Variants in CCDC40 observed in about 807,000 individuals in gnomAD.
CCDC40 encodes coiled-coil domain 40 molecular ruler complex subunit, also known as coiled-coil domain-containing protein 40.
CCDC40 carries 104 observed loss-of-function variants against 124.5 expected under a neutral mutation model. The observed-to-expected ratio is 0.84, with a 90% CI of 0.71 to 0.98. The LOEUF (loss-of-function observed/expected upper bound fraction) is 0.98, where lower values mean the gene tolerates loss of function less well. Ranked by LOEUF, CCDC40 falls within the 50% of genes least tolerant of loss-of-function variation. CCDC40 has a pLI of 0.00. For synonymous variants in CCDC40, 580 were observed against 602.9 expected (o/e 0.96, Z 0.56); for missense variants, 1,463 against 1,503.9 (o/e 0.97, Z 0.45).
intron 7 of CCDC40, among the ~76,000 whole-genome samples, chr17:80,054,968 C>A (rs573650394): frequency 7.5e-6 from 1 of 133,112 alleles, no homozygotes; most frequent in African/African-American, 3.5e-5. Flanking sequence ...GAGTGAGACA[C>A]TGTCTCAAAA....
intron 3 of CCDC40, 147 bp downstream of exon 3, chr17:80,040,417 G>T: frequency 1.2e-6 from 1 of 829,356 alleles, no homozygotes; most frequent in Non-Finnish European, 1.9e-6. Flanking sequence ...GGTGGCTCAC[G>T]CCTGTAATCC....
chr17:80,058,848 T>C lies in CCDC40; in HGVS notation c.1318-10T>C. On this transcript the variant is annotated splice_polypyrimidine_tract_variant and intron_variant, in intron 8 of 19. Coordinates refer to ENST00000397545, the MANE Select transcript of CCDC40 (RefSeq NM_017950.4). The surrounding 1 kb of genome is among the most constrained non-coding windows in gnomAD (Gnocchi z 4.2). ...CTCCTGACGGGGCTGCTTCTCATCC[T>C]GTTTCCCAGGACCTGTATGTGGACC... The C allele has an allele frequency of 6.2e-7, 1 of 1,614,130 alleles. No homozygotes were observed. The highest frequency in any genetic ancestry group is 1.1e-5 in the South Asian group (1 of 91,082).
At position 80,066,226 on chromosome 17, in the gene CCDC40, T is replaced by A. The variant is rs1568692158; in HGVS notation, c.1562+620T>A. ...AACTTCCCCTCCACCTTTCGTAGTC[T>A]CCACCCCTTGTGCCCAGCACAGAGC... On this transcript the variant is annotated intron_variant, in intron 10 of 19. Coordinates refer to ENST00000397545, the MANE Select transcript of CCDC40 (RefSeq NM_017950.4). This position sits in a 1 kb window ranked among gnomAD's most constrained non-coding sequence, Gnocchi z 4.4. The A allele has an allele frequency of 1.4e-6, 1 of 702,438 alleles. No homozygotes were observed. Among genetic ancestry groups the A allele is most frequent in the Admixed American group, 2.0e-5 (1 of 49,952 alleles). 43.5% of individuals were successfully genotyped at this position (702,438 alleles called of 1,614,324 possible).
At chr17:80,053,661 C>T (rs1347088189) in intron 7 of CCDC40, among the ~76,000 whole-genome samples, 3 of 152,170 alleles carry the variant, frequency 2.0e-5, no homozygotes, top group African/African-American at 7.2e-5. Flanking sequence ...GGCGTGATCT[C>T]AGCTCACTGC....
intron 9 of CCDC40, among the ~76,000 whole-genome samples, chr17:80,063,500 C>T (rs1000107267): frequency 1.3e-5 from 2 of 152,150 alleles, no homozygotes; most frequent in African/African-American, 4.8e-5. Context: ...GGGGAGGCCT[C>T]GCACAGGCTC....
rs189341041 is a variant in CCDC40 at position 80,065,861 on chromosome 17, G to C, written c.1562+255G>C. Among the ~76,000 whole-genome samples, 489 of 152,372 alleles carry C rather than the reference G, an allele frequency of 3.2e-3. 1 individual carries two copies. The highest frequency in any genetic ancestry group is 4.5e-3 in the Non-Finnish European group (303 of 68,040). On this transcript the variant is annotated intron_variant, in intron 10 of 19. Transcript: ENST00000397545. The stretch of plus-strand genomic sequence containing the variant: ...TCAGATTTCCTGGCAGGATTAAGTA[G>C]AAACAGAGCAGGGTAAAGAGAAAGC...
At position 80,048,609 on chromosome 17, in the gene CCDC40, C is replaced by T. The variant is rs1210103322; in HGVS notation, c.703C>T (p.His235Tyr). ...PVIPPGVPDA[H>Y]PREGDLPVFQ... Reference sequence around the variant, plus strand: ...GATCCCCCCAGGGGTGCCCGATGCCCACCCCAGGGAAGGAGACCTGCCAGT... The same window carrying T: ...GATCCCCCCAGGGGTGCCCGATGCCTACCCCAGGGAAGGAGACCTGCCAGT... The change falls in exon 5 of 20, where the codon CAC (histidine) becomes TAC (tyrosine). Residue 235 changes from histidine (H) to tyrosine (Y), a missense_variant. His to Tyr is a moderately conservative substitution (Grantham distance 83, BLOSUM62 2). Transcript: ENST00000397545. The T allele has an allele frequency of 6.2e-7, 1 of 1,613,964 alleles. No individual in the cohort carries two copies. Among genetic ancestry groups the T allele is most frequent in the Admixed American group, 1.7e-5 (1 of 60,024 alleles).
intron 1 of CCDC40, 116 bp downstream of exon 1, chr17:80,036,807 T>A: frequency 1.0e-6 from 1 of 961,566 alleles, no homozygotes; most frequent in Non-Finnish European, 1.5e-6. Context: ...CACTCCCCCT[T>A]CCTCTCGCCT....
Position 80,081,761 on chromosome 17 carries a change from C to G in CCDC40, c.1778C>G (p.Thr593Arg). ...FNTYRLTLQD[T>R]EDALSQDQLE... is the part of the protein sequence containing the mutation. ...ACCTACAGGCTCACCCTGCAGGACA[C>G]AGAGGATGCCCTCAGCCAGGACCAG... Residue 593 changes from threonine to arginine, a missense_variant, in exon 11 of 20, where the codon ACA (threonine) becomes AGA (arginine). Transcript: ENST00000397545. 1 of 1,614,048 alleles carries G rather than the reference C, an allele frequency of 6.2e-7. No individual in the cohort carries two copies. The highest frequency in any genetic ancestry group is 1.1e-5 in the South Asian group (1 of 91,078).
rs2037809766 is a variant in CCDC40 at position 80,058,515 on chromosome 17, T to C, written c.1181T>C (p.Met394Thr). 1.2e-6 allele frequency: 2 copies of C among 1,613,956 alleles called. No homozygotes were observed. Among genetic ancestry groups the C allele is most frequent in the African/African-American group, 2.7e-5 (2 of 74,920 alleles). The change falls in exon 8 of 20, where the codon ATG becomes ACG. Residue 394 changes from methionine to threonine, a missense_variant. Physicochemically the swap from Met to Thr is moderately conservative, Grantham distance 81. Coordinates refer to ENST00000397545, the MANE Select transcript of CCDC40 (RefSeq NM_017950.4). This position sits in a 1 kb window ranked among gnomAD's most constrained non-coding sequence, Gnocchi z 4.2. ...RKKLAALQTE[M>T]ENLALHLFYM... ...GCAGTGGCGGCTCTGCAGACTGAGA[T>C]GGAGAACTTGGCCCTGCATCTCTTC...
At chr17:80,090,734 T>C in intron 17 of CCDC40, 1 of 1,399,660 alleles carries the variant, frequency 7.1e-7, no homozygotes, top group East Asian at 2.7e-5. Flanking sequence ...TTGCAAGTGG[T>C]CATCAAGCTA....
intron 10 of CCDC40, among the ~76,000 whole-genome samples, chr17:80,073,422 A>G (rs892718108): frequency 2.6e-5 from 4 of 152,056 alleles, no homozygotes; most frequent in African/African-American, 9.7e-5. Context: ...AAACTTTTTC[A>G]TTGTCATCGT....
chr17:80,038,424 G>A lies in CCDC40; in HGVS notation c.93+238G>A, dbSNP rs143175626. On this transcript the variant is annotated intron_variant, in intron 2 of 19. Coordinates refer to ENST00000397545, the MANE Select transcript of CCDC40 (RefSeq NM_017950.4). Reference sequence around the variant, plus strand: ...TGCGCACATGTAGTCCCAGCTACTCGGGAGGCTGAGGCAGGACAGTGGCTT... The same window carrying A: ...TGCGCACATGTAGTCCCAGCTACTCAGGAGGCTGAGGCAGGACAGTGGCTT... 2.9e-3 allele frequency among the ~76,000 whole-genome samples: 434 copies of A among 152,238 alleles called. 2 individuals carry two copies. The highest frequency in any genetic ancestry group is 3.8e-3 in the Non-Finnish European group (258 of 68,012).
At chr17:80,063,193 CAAA>C (rs111638134) in intron 9 of CCDC40, among the ~76,000 whole-genome samples, 1 of 143,258 alleles carries the variant, frequency 7.0e-6, no homozygotes, top group Non-Finnish European at 1.5e-5. Context: ...AAAAGTGTCT[CAAA>C]AAAAAAAATT....
At chr17:80,084,506 A>G (rs1163698171) in intron 12 of CCDC40, among the ~76,000 whole-genome samples, 1 of 152,212 alleles carries the variant, frequency 6.6e-6, no homozygotes, top group Non-Finnish European at 1.5e-5. Context: ...CACATCAATA[A>G]GAAAAGCTAA....
intron 17 of CCDC40, among the ~76,000 whole-genome samples, chr17:80,091,772 C>G (rs780941073): frequency 7.3e-5 from 11 of 150,232 alleles, no homozygotes; most frequent in Non-Finnish European, 1.0e-4. Flanking sequence ...CTTACTGGTT[C>G]TTTTTTTTTT....
intron 10 of CCDC40, among the ~76,000 whole-genome samples, chr17:80,077,392 G>A (rs961526016): frequency 2.6e-5 from 4 of 152,142 alleles, no homozygotes; most frequent in Non-Finnish European, 2.9e-5. Context: ...GTATGGTGGT[G>A]CATGCCTGTA....
At chr17:80,056,488 A>G (rs988979100) in intron 7 of CCDC40, among the ~76,000 whole-genome samples, 1 of 152,004 alleles carries the variant, frequency 6.6e-6, no homozygotes, top group African/African-American at 2.4e-5. Context: ...TTGGCCGGGC[A>G]TGGTGGCATG....
chr17:80,059,002 C>A (rs1385858963), intron 9 of CCDC40, 22 bp downstream of exon 9: 6 of 1,614,068 alleles, frequency 3.7e-6, no homozygotes, highest in Non-Finnish European at 4.2e-6. Context: ...CCCCGCAGCT[C>A]TCAGTGTTCG....
Sources: gnomAD v4.1 joint callset for allele counts (sites outside exome capture counted in the v4.1 genomes callset) on GRCh38, gnomAD v4.1.1 for gene constraint, Gnocchi (gnomAD v3.1) non-coding constraint, MANE v1.5 for transcripts, NCBI Gene and HGNC (gene_info 2026-07-23, HGNC 2026-07-21) for gene names.